The following ZEB1 variants were observed in gnomAD, a reference collection of about 807,000 sequenced individuals.
ZEB1 encodes the protein zinc finger E-box binding homeobox 1, also known as zinc finger E-box-binding homeobox 1.
In ZEB1, 21 loss-of-function variants were observed where a neutral mutation model predicts 84.9. The observed-to-expected ratio is 0.25, with a 90% CI of 0.18 to 0.36. The LOEUF (loss-of-function observed/expected upper bound fraction) is 0.36. Among genes scored for constraint, ZEB1 ranks in the 10% least tolerant of loss-of-function variants. The probability of loss-of-function intolerance (pLI) is 1.00; values close to 1 mark genes in which losing one functional copy is unlikely to be tolerated. For synonymous variants in ZEB1, 420 were observed against 471.1 expected, an observed-to-expected ratio of 0.89 and a Z score of 1.41; for missense variants, 1,104 against 1,330.2, an observed-to-expected ratio of 0.83 and a Z score of 2.65.
chr10:31,452,742 T>TGTGTGAGA lies in ZEB1; in HGVS notation c.59-8294_59-8293insTGTGAGAG, dbSNP rs1387786622. ...GTGTGTGTGTGTGTGTGTGTGTGTGTGAGAGAGAGAGAGAGAGAGAGAGAG... is the reference window on the plus strand; with the variant it reads ...GTGTGTGTGTGTGTGTGTGTGTGTGTGTGTGAGAGAGAGAGAGAGAGAGAGAGAGAGAG... On this transcript the variant is annotated intron_variant, in intron 1 of 8. Transcript: ENST00000424869. Among the ~76,000 whole-genome samples, 113 of 90,802 alleles carry TGTGTGAGA rather than the reference T, an allele frequency of 1.2e-3. 1 individual carries two copies. Among genetic ancestry groups the TGTGTGAGA allele is most frequent in the Middle Eastern group, 0.012 (2 of 164 alleles). 59.6% of individuals were successfully genotyped at this position (90,802 alleles called of 152,430 possible).
chr10:31,335,996 G>A (rs1036502039), intron 1 of ZEB1, among the ~76,000 whole-genome samples: 1 of 151,582 alleles, frequency 6.6e-6, no homozygotes, highest in Non-Finnish European at 1.5e-5. Context: ...ATAAAACACT[G>A]TGAGTAAATC....
At chr10:31,368,470 C>T (rs1056736745) in intron 1 of ZEB1, among the ~76,000 whole-genome samples, 1 of 143,056 alleles carries the variant, frequency 7.0e-6, no homozygotes, top group African/African-American at 2.6e-5. Context: ...CTCTTGTATA[C>T]GTTAAATCAT....
chr10:31,458,630 TA>T (rs1252822252), intron 1 of ZEB1, among the ~76,000 whole-genome samples: 2 of 152,076 alleles, frequency 1.3e-5, no homozygotes, highest in East Asian at 1.9e-4. Context: ...TATGGAAACA[TA>T]AAACCATTCT....
intron 1 of ZEB1, among the ~76,000 whole-genome samples, chr10:31,396,210 A>G (rs535696199): frequency 1.2e-3 from 185 of 152,340 alleles, no homozygotes; most frequent in African/African-American, 4.2e-3. Context: ...TCATTTATTT[A>G]ATAATTACTT....
intron 1 of ZEB1, among the ~76,000 whole-genome samples, chr10:31,366,627 C>T (rs1194882636): frequency 6.6e-6 from 1 of 152,190 alleles, no homozygotes; most frequent in Non-Finnish European, 1.5e-5. Flanking sequence ...AAATATTCAA[C>T]GTACTGTCCT....
intron 1 of ZEB1, among the ~76,000 whole-genome samples, chr10:31,352,952 A>G (rs1217062642): frequency 1.3e-5 from 2 of 152,224 alleles, no homozygotes; most frequent in African/African-American, 2.4e-5. Flanking sequence ...GCAGCCATCT[A>G]TGGAAATGCA....
chr10:31,401,701 TC>T (rs1213207426), intron 1 of ZEB1, among the ~76,000 whole-genome samples: 2 of 152,172 alleles, frequency 1.3e-5, no homozygotes, highest in African/African-American at 4.8e-5. Context: ...CAGAAGAGAC[TC>T]CACTAATTTG....
chr10:31,384,427 C>T (rs757785878), intron 1 of ZEB1, among the ~76,000 whole-genome samples: 4 of 152,148 alleles, frequency 2.6e-5, no homozygotes, highest in East Asian at 1.9e-4. Context: ...CCTGTCTCCC[C>T]GGTTGAAGTT....
At chr10:31,457,928 A>T (rs2061422392) in intron 1 of ZEB1, among the ~76,000 whole-genome samples, 1 of 152,172 alleles carries the variant, frequency 6.6e-6, no homozygotes, top group Non-Finnish European at 1.5e-5. Context: ...AACAAAATTG[A>T]TAATATAATG....
chr10:31,335,193 A>G (rs2037749147), intron 1 of ZEB1, among the ~76,000 whole-genome samples: 1 of 152,118 alleles, frequency 6.6e-6, no homozygotes, highest in Admixed American at 6.5e-5. Flanking sequence ...AAAAATTCAT[A>G]TGTTTTAAAT....
chr10:31,470,228 G>C (rs1483688090), intron 2 of ZEB1, among the ~76,000 whole-genome samples: 1 of 152,012 alleles, frequency 6.6e-6, no homozygotes, highest in Non-Finnish European at 1.5e-5. Context: ...ACTTTGACGA[G>C]CTGAGAGAAG....
chr10:31,369,471 C>T (rs1390703022), intron 1 of ZEB1, among the ~76,000 whole-genome samples: 1 of 152,096 alleles, frequency 6.6e-6, no homozygotes, highest in Non-Finnish European at 1.5e-5. Context: ...TTTTTCTCTG[C>T]CTGACTTATT....
chr10:31,486,658 AT>A (rs1183309765), intron 2 of ZEB1, among the ~76,000 whole-genome samples: 1 of 148,584 alleles, frequency 6.7e-6, no homozygotes, highest in African/African-American at 2.5e-5. Flanking sequence ...GTATACATGT[AT>A]TTTCTAGTTG....
At chr10:31,415,760 G>A (rs1221580116) in intron 1 of ZEB1, among the ~76,000 whole-genome samples, 1 of 151,932 alleles carries the variant, frequency 6.6e-6, no homozygotes, top group Non-Finnish European at 1.5e-5. Context: ...CTTCTAAAGG[G>A]CAATCTAGAA....
At chr10:31,487,254 T>C (rs976788916) in intron 2 of ZEB1, among the ~76,000 whole-genome samples, 3 of 151,436 alleles carry the variant, frequency 2.0e-5, no homozygotes, top group Admixed American at 6.6e-5. Context: ...CCTTTTCATA[T>C]AAATTTTAGA....
At chr10:31,382,019 A>C (rs915383703) in intron 1 of ZEB1, among the ~76,000 whole-genome samples, 21 of 146,442 alleles carry the variant, frequency 1.4e-4, no homozygotes, top group African/African-American at 4.6e-4. Context: ...AAAAAAAAAA[A>C]AAAAAAAAAA....
intron 1 of ZEB1, among the ~76,000 whole-genome samples, chr10:31,412,748 A>G (rs2054538919): frequency 6.6e-6 from 1 of 152,158 alleles, no homozygotes; most frequent in Non-Finnish European, 1.5e-5. Context: ...TTTCAGTCCA[A>G]AGTGTAATAA....
At chr10:31,486,751 C>T (rs187073936) in intron 2 of ZEB1, among the ~76,000 whole-genome samples, 1 of 151,156 alleles carries the variant, frequency 6.6e-6, no homozygotes, top group South Asian at 2.1e-4. Flanking sequence ...TTCTCTTATC[C>T]TAGTCTTTCA....
chr10:31,354,188 T>A (rs952335090), intron 1 of ZEB1, among the ~76,000 whole-genome samples: 2 of 152,196 alleles, frequency 1.3e-5, no homozygotes, highest in African/African-American at 4.8e-5. Context: ...TCTGAAACAA[T>A]GATATTGGAA....
Sources: allele counts gnomAD v4.1 joint callset (sites outside exome capture counted in the v4.1 genomes callset), GRCh38; gene constraint gnomAD v4.1.1; transcripts MANE v1.5; gene names NCBI Gene and HGNC (gene_info 2026-07-23, HGNC 2026-07-21).